Variants in SETD3 observed in about 807,000 individuals in gnomAD.
SETD3 encodes the protein actin-histidine N-methyltransferase.
A neutral mutation model predicts 63.0 loss-of-function variants in SETD3; 19 were observed. The ratio of observed to expected loss-of-function variants is 0.30; its 90% CI spans 0.21 to 0.44. The LOEUF (loss-of-function observed/expected upper bound fraction) is 0.44, where lower values mean the gene tolerates loss of function less well. Ranked by LOEUF, SETD3 falls within the 20% of genes least tolerant of loss-of-function variation. The probability of loss-of-function intolerance (pLI) is 1.00; values close to 1 mark genes in which losing one functional copy is unlikely to be tolerated. For synonymous variants in SETD3, 286 were observed against 264.1 expected (o/e 1.08, Z -0.80); for missense variants, 587 against 728.5 (o/e 0.81, Z 2.24).
intron 6 of SETD3, among the ~76,000 whole-genome samples, chr14:99,445,053 C>A (rs1390908754): frequency 6.6e-6 from 1 of 152,114 alleles, no homozygotes; most frequent in East Asian, 1.9e-4. Flanking sequence ...AGTGTTCAGG[C>A]CATATCAATT....
chr14:99,480,007 G>A (rs1952103985), intron 1 of SETD3, among the ~76,000 whole-genome samples: 3 of 151,956 alleles, frequency 2.0e-5, no homozygotes, highest in South Asian at 4.2e-4. Flanking sequence ...AGGAGGAAGA[G>A]TTAACGCCGG....
At chr14:99,457,455 A>G (rs1894824752) in intron 6 of SETD3, among the ~76,000 whole-genome samples, 1 of 152,258 alleles carries the variant, frequency 6.6e-6, no homozygotes, top group African/African-American at 2.4e-5. Flanking sequence ...CTTCTTGCAA[A>G]TAAAACATAG....
At chr14:99,468,458 AAT>A (rs1340743138) in intron 1 of SETD3, among the ~76,000 whole-genome samples, 1 of 152,192 alleles carries the variant, frequency 6.6e-6, no homozygotes, top group East Asian at 1.9e-4. Flanking sequence ...TTATGTATCT[AAT>A]GTATAAAGAA....
At chr14:99,479,968 A>ATCGC (rs1896182347) in intron 1 of SETD3, among the ~76,000 whole-genome samples, 1 of 151,822 alleles carries the variant, frequency 6.6e-6, no homozygotes, top group Non-Finnish European at 1.5e-5. Context: ...GGGAAAAGAC[A>ATCGC]AGAGTTGCAT....
chr14:99,461,329 T>A lies in SETD3; in HGVS notation c.208A>T (p.Thr70Ser), dbSNP rs144606253. Residue 70 changes from threonine to serine, a missense_variant, in exon 4 of 13, where the codon ACT becomes TCT. By Grantham distance (58) the Thr-to-Ser change is moderately conservative. Transcript: ENST00000331768. ...TAATCTTCTCTTTTTCCATCAAAAG[T>A]AACGGACAGACCTATATTAATCCAC... is the stretch of plus-strand genomic sequence containing the variant. ...IRKKQKGLSVTFDGKREDYFP... is the reference protein window; with the variant it reads ...IRKKQKGLSVSFDGKREDYFP... 383 of 1,613,962 alleles carry A rather than the reference T, an allele frequency of 2.4e-4. 1 individual carries two copies. The highest frequency in any genetic ancestry group is 3.0e-4 in the Non-Finnish European group (358 of 1,180,018).
chr14:99,412,798 G>A (rs931921343), intron 8 of SETD3, 153 bp downstream of exon 8: 13 of 596,210 alleles, frequency 2.2e-5, no homozygotes, highest in South Asian at 4.3e-5. Context: ...ATCTGTGGGC[G>A]GTGGGGAGGA....
At chr14:99,461,041 T>G in intron 4 of SETD3, 151 bp downstream of exon 4, 1 of 876,404 alleles carries the variant, frequency 1.1e-6, no homozygotes, top group South Asian at 1.8e-5. Flanking sequence ...GCTTAGAACA[T>G]GAGCCCAAGG....
At chr14:99,438,841 T>A (rs973912440) in intron 6 of SETD3, among the ~76,000 whole-genome samples, 4 of 152,252 alleles carry the variant, frequency 2.6e-5, no homozygotes, top group Non-Finnish European at 4.4e-5. Flanking sequence ...CAGGCCTTTC[T>A]GTTTCATCTT....
chr14:99,480,659 G>C (rs1055704780), intron 1 of SETD3, 69 bp downstream of exon 1: 2 of 150,622 alleles, frequency 1.3e-5, no homozygotes, highest in African/African-American at 4.8e-5. Context: ...CGGCCTCGCA[G>C]AGCTCGGAGA....
intron 6 of SETD3, among the ~76,000 whole-genome samples, chr14:99,417,404 C>T (rs1214878780): frequency 6.6e-6 from 1 of 152,222 alleles, no homozygotes; most frequent in Non-Finnish European, 1.5e-5. Context: ...TGGAAAAAGT[C>T]ACATATTCCA....
chr14:99,483,881 A>G (rs1345982819), upstream of SETD3, among the ~76,000 whole-genome samples: 3 of 152,236 alleles, frequency 2.0e-5, no homozygotes, highest in African/African-American at 7.2e-5. Context: ...TAAATAGATA[A>G]GCAGCGTGAT....
upstream of SETD3, chr14:99,481,695 G>C: frequency 7.8e-6 from 3 of 386,956 alleles, no homozygotes; most frequent in Non-Finnish European, 1.4e-5. Context: ...GCGGGGCAGG[G>C]AGGCCGGACT....
intron 8 of SETD3, among the ~76,000 whole-genome samples, chr14:99,407,839 ATC>A (rs1891770011): frequency 6.6e-6 from 1 of 152,140 alleles, no homozygotes; most frequent in South Asian, 2.1e-4. Flanking sequence ...CCCCTTGTTG[ATC>A]TCTGTGTCCC....
chr14:99,451,319 T>C (rs1894448109), intron 6 of SETD3, among the ~76,000 whole-genome samples: 1 of 152,182 alleles, frequency 6.6e-6, no homozygotes, highest in South Asian at 2.1e-4. Flanking sequence ...AGCCCTCTCT[T>C]CTTCCCTGGC....
At chr14:99,438,326 A>G (rs1893603509) in intron 6 of SETD3, among the ~76,000 whole-genome samples, 1 of 152,242 alleles carries the variant, frequency 6.6e-6, no homozygotes, top group Non-Finnish European at 1.5e-5. Context: ...TGACTTCTGC[A>G]TACAAAAGGT....
At chr14:99,447,083 T>C (rs772223155) in intron 6 of SETD3, among the ~76,000 whole-genome samples, 1 of 152,076 alleles carries the variant, frequency 6.6e-6, no homozygotes, top group Non-Finnish European at 1.5e-5. Context: ...GCGATTCTCA[T>C]GCCTCAGCCT....
intron 10 of SETD3, among the ~76,000 whole-genome samples, chr14:99,404,931 G>C (rs1891598741): frequency 6.6e-6 from 1 of 152,210 alleles, no homozygotes; most frequent in Non-Finnish European, 1.5e-5. Context: ...TGAAAGACAT[G>C]AATGATACGA....
chr14:99,447,396 G>C (rs1894198431), intron 6 of SETD3, among the ~76,000 whole-genome samples: 1 of 152,190 alleles, frequency 6.6e-6, no homozygotes. Context: ...TACAAAACAA[G>C]AACATAGTTA....
At chr14:99,466,874 CAA>C (rs1362889241) in intron 1 of SETD3, among the ~76,000 whole-genome samples, 1 of 152,198 alleles carries the variant, frequency 6.6e-6, no homozygotes, top group Non-Finnish European at 1.5e-5. Flanking sequence ...TAATGAATAA[CAA>C]ACCACCACGA....
Sources: gnomAD v4.1 joint callset for allele counts (sites outside exome capture counted in the v4.1 genomes callset) on GRCh38, gnomAD v4.1.1 for gene constraint, MANE v1.5 for transcripts, NCBI Gene and HGNC (gene_info 2026-07-23, HGNC 2026-07-21) for gene names.